The following CAPN8 variants were observed in gnomAD, a reference collection of about 807,000 sequenced individuals.
CAPN8 encodes the protein calpain-8.
A neutral mutation model predicts 80.9 loss-of-function variants in CAPN8; 87 were observed. The ratio of observed to expected loss-of-function variants is 1.07; its 90% confidence interval spans 0.90 to 1.28. CAPN8 has a LOEUF of 1.28. Among genes scored for constraint, CAPN8 ranks in the 50% most tolerant of loss-of-function variants. The pLI, the probability that CAPN8 is intolerant of heterozygous loss-of-function variation, is 0.00. For missense variants in CAPN8, 757 were observed against 702.0 expected (o/e 1.08, Z -0.89); for synonymous variants, 299 against 273.8 (o/e 1.09, Z -0.91).
At chr1:223,637,354 C>T (rs1657925785) in intron 2 of CAPN8, among the ~76,000 whole-genome samples, 1 of 152,112 alleles carries the variant, frequency 6.6e-6, no homozygotes, top group Non-Finnish European at 1.5e-5. Flanking sequence ...AGATGCCTAC[C>T]AGCCCTGGTA....
intron 2 of CAPN8, among the ~76,000 whole-genome samples, chr1:223,652,500 T>G (rs1658369183): frequency 1.3e-5 from 2 of 152,150 alleles, no homozygotes; most frequent in African/African-American, 2.4e-5. Context: ...TCCCTTGTTC[T>G]TTGGGACTAC....
chr1:223,611,869 C>T (rs1358483338), intron 11 of CAPN8, among the ~76,000 whole-genome samples: 1 of 152,212 alleles, frequency 6.6e-6, no homozygotes, highest in Admixed American at 6.5e-5. Context: ...CCCAGAAGAA[C>T]TGGGGTAAAG....
intron 2 of CAPN8, among the ~76,000 whole-genome samples, chr1:223,635,458 G>A (rs1182189225): frequency 6.6e-6 from 1 of 152,158 alleles, no homozygotes; most frequent in Non-Finnish European, 1.5e-5. Flanking sequence ...TATTTGCTTT[G>A]TTGACAATTC....
At chr1:223,621,789 G>A (rs1274340778) in intron 7 of CAPN8, among the ~76,000 whole-genome samples, 5 of 152,072 alleles carry the variant, frequency 3.3e-5, no homozygotes, top group Non-Finnish European at 7.4e-5. Context: ...TGAGGATTAA[G>A]GACGTATTGG....
At chr1:223,646,601 G>A (rs1029915229) in intron 2 of CAPN8, among the ~76,000 whole-genome samples, 13 of 152,346 alleles carry the variant, frequency 8.5e-5, no homozygotes, top group Admixed American at 2.0e-4. Context: ...TTGAGCAACC[G>A]CGTTGTCTTC....
chr1:223,615,751 T>A, intron 10 of CAPN8: 1 of 674,286 alleles, frequency 1.5e-6, no homozygotes, highest in Non-Finnish European at 2.7e-6. Context: ...GTATCACACA[T>A]CTCAATGTTA....
intron 9 of CAPN8, among the ~76,000 whole-genome samples, chr1:223,616,590 G>C (rs1222915846): frequency 6.6e-6 from 1 of 152,218 alleles, no homozygotes; most frequent in Non-Finnish European, 1.5e-5. Context: ...GGACAGTAGA[G>C]GAGAAAGTCC....
At chr1:223,630,086 G>A (rs1657728409) in intron 2 of CAPN8, among the ~76,000 whole-genome samples, 1 of 152,132 alleles carries the variant, frequency 6.6e-6, no homozygotes, top group Admixed American at 6.5e-5. Context: ...GCCTGAGCAA[G>A]CAGTAAGCCA....
At chr1:223,544,287 G>C in intron 18 of CAPN8, 104 bp from the exon 19 acceptor site, 1 of 652,832 alleles carries the variant, frequency 1.5e-6, no homozygotes, top group Non-Finnish European at 2.8e-6. Context: ...CTGTGGTTCT[G>C]TATCAATCTG....
At chr1:223,635,363 AT>A (rs542757663) in intron 2 of CAPN8, among the ~76,000 whole-genome samples, 217 of 150,616 alleles carry the variant, frequency 1.4e-3, no homozygotes, top group African/African-American at 4.4e-3. Context: ...ACACACACTG[AT>A]TTTTTTTTTA....
intron 16 of CAPN8, among the ~76,000 whole-genome samples, chr1:223,547,296 A>AT (rs1656649976): frequency 6.6e-6 from 1 of 152,240 alleles, no homozygotes; most frequent in African/African-American, 2.4e-5. Context: ...CCCATGGGTG[A>AT]TAAAGTACTG....
In CAPN8 at chr1:223,649,329, A is replaced by G. The variant is rs1658277004; in HGVS notation, c.307+5001T>C. 1.3e-5 allele frequency among the ~76,000 whole-genome samples: 2 copies of G among 152,220 alleles called. 1 individual carries two copies. The highest frequency in any genetic ancestry group is 4.1e-4 in the South Asian group (2 of 4,830). On this transcript the variant is annotated intron_variant, in intron 2 of 20. Coordinates refer to ENST00000366872, the MANE Select transcript of CAPN8 (RefSeq NM_001143962.2). ...TGGATGGAGCTTGCATGGCAGGTAG[A>G]GTTAGCAGTTACTGCTGAGCCTGTG...
At chr1:223,543,210 T>A (rs1344814545) in intron 19 of CAPN8, 44 bp from the exon 20 acceptor site, 1 of 1,547,358 alleles carries the variant, frequency 6.5e-7, no homozygotes, top group East Asian at 2.4e-5. Flanking sequence ...AGGCTGTTCC[T>A]GGACTTTGGA....
intron 11 of CAPN8, among the ~76,000 whole-genome samples, chr1:223,609,576 T>C (rs1440950930): frequency 6.6e-6 from 1 of 152,166 alleles, no homozygotes; most frequent in South Asian, 2.1e-4. Context: ...TTTGAGGCAT[T>C]GATCTTGACT....
At position 223,665,026 on chromosome 1, in the gene CAPN8, G is replaced by T. The variant is rs906682855; in HGVS notation, c.237+384C>A. 2.6e-5 allele frequency among the ~76,000 whole-genome samples: 4 copies of T among 152,200 alleles called. No individual in the cohort carries two copies. In the East Asian group the frequency reaches 5.8e-4, roughly 22 times the overall value. On this transcript the variant is annotated intron_variant, in intron 1 of 20. Transcript: ENST00000366872. ...CCCAGCACTTTGGAAGGCTGAGGCA[G>T]ATGGATCACCTGAGGTTGGGAGTTT...
chr1:223,542,803 G>GGT (rs1269658968), intron 20 of CAPN8, among the ~76,000 whole-genome samples: 1 of 152,098 alleles, frequency 6.6e-6, no homozygotes, highest in Admixed American at 6.5e-5. Flanking sequence ...GGTCCTAGAA[G>GGT]CCAGACACTT....
chr1:223,628,098 C>T lies in CAPN8; in HGVS notation c.471G>A (p.Arg157=), dbSNP rs1312214124. ...GEWVEVVIDD[R]LPTKNGQLLF... ...GCAGCTGTCCATTCTTGGTGGGCAGCCTGTCGTCAATGACCACCTCCACCC... is the reference window on the plus strand; with the variant it reads ...GCAGCTGTCCATTCTTGGTGGGCAGTCTGTCGTCAATGACCACCTCCACCC... The change falls in exon 4 of 21, where the codon AGG becomes AGA. Residue 157 remains arginine, a synonymous_variant. Coordinates refer to ENST00000366872, the MANE Select transcript of CAPN8 (RefSeq NM_001143962.2). 1 of 1,551,206 alleles carries T rather than the reference C, an allele frequency of 6.4e-7. No homozygotes were observed. Among genetic ancestry groups the T allele is most frequent in the East Asian group, 2.4e-5 (1 of 40,900 alleles).
Position 223,628,116 on chromosome 1 carries a change from C to G in CAPN8, c.453G>C (p.Glu151Asp). 1 of 1,550,462 alleles carries G rather than the reference C, an allele frequency of 6.4e-7. No individual in the cohort carries two copies. The highest frequency in any genetic ancestry group is 8.7e-7 in the Non-Finnish European group (1 of 1,146,530). ...TGGGCAGCCTGTCGTCAATGACCAC[C>G]TCCACCCACTCTCCGTACTGCCAGA... Reference protein sequence around the residue: ...FQFWQYGEWVEVVIDDRLPTK... With the variant: ...FQFWQYGEWVDVVIDDRLPTK... Residue 151 changes from glutamate to aspartate, a missense_variant, in exon 4 of 21, where the codon GAG becomes GAC. Physicochemically the swap from Glu to Asp is conservative, Grantham distance 45. Transcript: ENST00000366872.
intron 2 of CAPN8, among the ~76,000 whole-genome samples, chr1:223,634,442 ATTGT>A (rs1657858895): frequency 6.6e-6 from 1 of 152,178 alleles, no homozygotes; most frequent in Non-Finnish European, 1.5e-5. Flanking sequence ...GTGGGAGGAC[ATTGT>A]TTGGCCTTCC....
Sources: allele counts gnomAD v4.1 joint callset (sites outside exome capture counted in the v4.1 genomes callset), GRCh38; gene constraint gnomAD v4.1.1; transcripts MANE v1.5; gene names NCBI Gene and HGNC (gene_info 2026-07-23, HGNC 2026-07-21).